Variants in DGKB observed in about 807,000 individuals in gnomAD.
DGKB encodes 90 kDa diacylglycerol kinase.
In DGKB, 67 loss-of-function variants were observed where a neutral mutation model predicts 114.3. The observed-to-expected ratio is 0.59, with a 90% CI of 0.48 to 0.72. DGKB has a LOEUF of 0.72. DGKB is among the 30% of genes least tolerant of loss of function. DGKB has a pLI of 0.00. For synonymous variants in DGKB, 398 were observed against 323.1 expected (o/e 1.23, Z -2.49); for missense variants, 907 against 975.2 (o/e 0.93, Z 0.93).
At chr7:14,692,289 C>T (rs1823008000) in intron 9 of DGKB, among the ~76,000 whole-genome samples, 1 of 152,120 alleles carries the variant, frequency 6.6e-6, no homozygotes, top group Non-Finnish European at 1.5e-5. Context: ...TTTACTTGCT[C>T]ATTCCTGCAT....
In DGKB at chr7:14,458,830, G is replaced by T. The variant is rs143885623; in HGVS notation, c.1835+19331C>A. On this transcript the variant is annotated intron_variant, in intron 21 of 25. Transcript: ENST00000402815. ...GGATTTGTTTTCATACCCTGGTGGC[G>T]CCTGGAATACCAGCAAGACAGAACC... Among the ~76,000 whole-genome samples the T allele has an allele frequency of 2.9e-3, 437 of 152,188 alleles. 1 individual carries two copies. The highest frequency in any genetic ancestry group is 0.02 in the Middle Eastern group (6 of 294).
intron 23 of DGKB, among the ~76,000 whole-genome samples, chr7:14,216,857 A>C (rs1039296514): frequency 6.6e-6 from 1 of 152,088 alleles, no homozygotes; most frequent in African/African-American, 2.4e-5. Context: ...AAGGACTTAC[A>C]CCAATGTGTT....
At chr7:14,550,249 T>C (rs1794919468) in intron 20 of DGKB, among the ~76,000 whole-genome samples, 1 of 152,120 alleles carries the variant, frequency 6.6e-6, no homozygotes. Context: ...GTTAATTTTT[T>C]TCTAAAATAC....
At chr7:14,890,693 C>A (rs1193949172) in intron 1 of DGKB, among the ~76,000 whole-genome samples, 1 of 151,186 alleles carries the variant, frequency 6.6e-6, no homozygotes, top group Non-Finnish European at 1.5e-5. Flanking sequence ...GGAAAATACA[C>A]CGGCTAATCA....
At chr7:14,560,674 T>C (rs1197057855) in intron 20 of DGKB, among the ~76,000 whole-genome samples, 1 of 152,226 alleles carries the variant, frequency 6.6e-6, no homozygotes, top group Non-Finnish European at 1.5e-5. Context: ...TACATGACAG[T>C]GTGAACATCT....
At chr7:14,257,061 G>A (rs1796057506) in intron 23 of DGKB, among the ~76,000 whole-genome samples, 1 of 152,092 alleles carries the variant, frequency 6.6e-6, no homozygotes, top group African/African-American at 2.4e-5. Flanking sequence ...TATTGGGGTG[G>A]CTGAGGTGGG....
chr7:14,924,648 AG>A (rs1784666629), intron 1 of DGKB, among the ~76,000 whole-genome samples: 2 of 152,132 alleles, frequency 1.3e-5, no homozygotes, highest in African/African-American at 4.8e-5. Flanking sequence ...CATCCATCAA[AG>A]GTTTCCAATT....
intron 1 of DGKB, among the ~76,000 whole-genome samples, chr7:14,850,766 CA>C (rs1366560897): frequency 6.6e-6 from 1 of 152,156 alleles, no homozygotes; most frequent in East Asian, 1.9e-4. Flanking sequence ...TATTACTATT[CA>C]TTAACTTAGA....
At chr7:14,746,393 A>G (rs1833290215) in intron 4 of DGKB, among the ~76,000 whole-genome samples, 1 of 152,186 alleles carries the variant, frequency 6.6e-6, no homozygotes, top group South Asian at 2.1e-4. Context: ...GATGTAAAGC[A>G]CTTAGCATAC....
intron 17 of DGKB, among the ~76,000 whole-genome samples, chr7:14,599,566 C>A (rs1044949775): frequency 2.6e-5 from 4 of 152,160 alleles, no homozygotes; most frequent in African/African-American, 9.7e-5. Context: ...AAAGAACAAC[C>A]ACGAAACCCT....
At chr7:14,383,911 A>AG (rs1408791282) in intron 21 of DGKB, among the ~76,000 whole-genome samples, 1 of 152,226 alleles carries the variant, frequency 6.6e-6, no homozygotes, top group Non-Finnish European at 1.5e-5. Flanking sequence ...CTGTCAACAG[A>AG]GGACATGTTA....
At chr7:14,373,214 A>C (rs982522386) in intron 21 of DGKB, among the ~76,000 whole-genome samples, 1 of 152,190 alleles carries the variant, frequency 6.6e-6, no homozygotes, top group African/African-American at 2.4e-5. Flanking sequence ...GACAGAGAAT[A>C]ATTCTTTGTG....
Position 14,678,896 on chromosome 7 carries a change from C to T in DGKB, c.1035+3657G>A, listed in dbSNP as rs778884513. ...ACAAGACTCAGTGACAGGTTGTGTA[C>T]AAGAGATAAAGGTAAAAGACAAGAG... is the stretch of plus-strand genomic sequence containing the variant. On this transcript the variant is annotated intron_variant, in intron 12 of 25. Transcript: ENST00000402815. Among the ~76,000 whole-genome samples the T allele has an allele frequency of 3.4e-4, 51 of 151,720 alleles. 1 individual carries two copies. Among genetic ancestry groups the T allele is most frequent in the Non-Finnish European group, 1.5e-4 (10 of 67,908 alleles).
At chr7:14,472,766 C>A (rs1188180646) in intron 21 of DGKB, among the ~76,000 whole-genome samples, 1 of 152,062 alleles carries the variant, frequency 6.6e-6, no homozygotes, top group South Asian at 2.1e-4. Context: ...AGATGAGGAA[C>A]TGGTTGGGAA....
At position 14,176,848 on chromosome 7, in the gene DGKB, G is replaced by A; in HGVS notation, c.2295C>T (p.Thr765=). The change falls in exon 25 of 26, where the codon ACC becomes ACT. Residue 765 remains threonine, a synonymous_variant. Transcript: ENST00000402815. The stretch of plus-strand genomic sequence containing the variant: ...ACTACTCTGTACTCACTGTGCATGG[G>A]GTCTGCATCCATGGCTCCCCATCAA... ...MQIDGEPWMQ[T]PCTIKITHKN... 1 of 1,613,788 alleles carries A rather than the reference G, an allele frequency of 6.2e-7. No individual in the cohort carries two copies. The highest frequency in any genetic ancestry group is 8.5e-7 in the Non-Finnish European group (1 of 1,179,778).
intron 1 of DGKB, among the ~76,000 whole-genome samples, chr7:14,913,173 C>A (rs945568384): frequency 1.3e-5 from 2 of 151,926 alleles, no homozygotes; most frequent in South Asian, 4.2e-4. Flanking sequence ...CTTCTCTGCC[C>A]TGAAAGATTG....
intron 4 of DGKB, among the ~76,000 whole-genome samples, chr7:14,736,562 C>T (rs1831755624): frequency 6.6e-6 from 1 of 152,174 alleles, no homozygotes; most frequent in Non-Finnish European, 1.5e-5. Flanking sequence ...CAGGCGATCA[C>T]TGTGAACAAG....
chr7:14,331,031 GGTAT>G (rs1809632633), intron 23 of DGKB, among the ~76,000 whole-genome samples: 2 of 151,398 alleles, frequency 1.3e-5, no homozygotes, highest in South Asian at 4.2e-4. Context: ...AAGATACCCA[GGTAT>G]ATGATGTAAT....
chr7:14,261,627 A>T (rs753314285), intron 23 of DGKB, among the ~76,000 whole-genome samples: 1 of 152,184 alleles, frequency 6.6e-6, no homozygotes, highest in Non-Finnish European at 1.5e-5. Context: ...TATATAGTCT[A>T]TACATGACTA....
Sources: allele counts gnomAD v4.1 joint callset (sites outside exome capture counted in the v4.1 genomes callset), GRCh38; gene constraint gnomAD v4.1.1; transcripts MANE v1.5; gene names NCBI Gene and HGNC (gene_info 2026-07-23, HGNC 2026-07-21).